The following ARHGEF10 variants were observed in gnomAD, a reference collection of about 807,000 sequenced individuals.
ARHGEF10 encodes Rho guanine nucleotide exchange factor 10, also known as Rho guanine nucleotide exchange factor (GEF) 10.
A neutral mutation model predicts 147.4 loss-of-function variants in ARHGEF10; 140 were observed. The observed-to-expected ratio is 0.95, with a 90% CI of 0.83 to 1.09. The LOEUF is 1.09. ARHGEF10 is among the 50% of genes least tolerant of loss of function. ARHGEF10 has a pLI of 0.00. For synonymous variants in ARHGEF10, 902 were observed against 695.8 expected (o/e 1.30, Z -4.67); for missense variants, 2,222 against 1,752.7 (o/e 1.27, Z -4.78).
rs1808477490 is a variant in ARHGEF10, at chr8:1,884,367, G to T, written c.1076-1234G>T. Among the ~76,000 whole-genome samples, 3 of 149,494 alleles carry T rather than the reference G, an allele frequency of 2.0e-5. No individual in the cohort carries two copies. The Admixed American group carries it at 2.0e-4, about 10-fold the overall frequency. On this transcript the variant is annotated intron_variant, in intron 10 of 28. Transcript: ENST00000349830. ...GCCGAGATTGCGCCACTGCACTCCA[G>T]CCTGGGCGACAGAGCAAGAGTCCAT...
intron 26 of ARHGEF10, among the ~76,000 whole-genome samples, chr8:1,944,860 G>T (rs1026037344): frequency 2.6e-5 from 4 of 152,248 alleles, no homozygotes; most frequent in Non-Finnish European, 5.9e-5. Flanking sequence ...CATGTTGGGG[G>T]GTCGCTGTGT....
chr8:1,890,662 G>A (rs904806741), intron 11 of ARHGEF10, among the ~76,000 whole-genome samples: 3 of 148,876 alleles, frequency 2.0e-5, no homozygotes, highest in Non-Finnish European at 4.5e-5. Flanking sequence ...GACACTAAGT[G>A]GGGTGTGAGG....
At chr8:1,882,504 C>A in intron 9 of ARHGEF10, 131 bp from the exon 10 acceptor site, 1 of 811,486 alleles carries the variant, frequency 1.2e-6, no homozygotes. Context: ...CAAAACCTAG[C>A]CCAGAACTGC....
chr8:1,884,116 G>T (rs752567753), intron 10 of ARHGEF10, among the ~76,000 whole-genome samples: 1 of 152,138 alleles, frequency 6.6e-6, no homozygotes, highest in African/African-American at 2.4e-5. Context: ...ATCCTTGGCC[G>T]GGCACGGTGG....
In ARHGEF10 at chr8:1,929,344, A is replaced by G; in HGVS notation, c.2980A>G (p.Thr994Ala). ...GAAAGTGAGACTTCAGCACTTTTTC[A>G]CTCCTGAGAAGTCCACAGTCATGAG... is the stretch of plus-strand genomic sequence containing the variant. ...SKKVRLQHFF[T>A]PEKSTVMSLA... The change falls in exon 25 of 29, where the codon ACT becomes GCT. Residue 994 changes from threonine to alanine, a missense_variant. Coordinates refer to ENST00000349830, the MANE Select transcript of ARHGEF10 (RefSeq NM_014629.4). The G allele has an allele frequency of 6.2e-7, 1 of 1,613,926 alleles. No homozygotes were observed. Among genetic ancestry groups the G allele is most frequent in the East Asian group, 2.2e-5 (1 of 44,878 alleles).
chr8:1,866,572 G>C lies in ARHGEF10; in HGVS notation c.592G>C (p.Ala198Pro). 1 of 1,607,760 alleles carries C rather than the reference G, an allele frequency of 6.2e-7. No individual in the cohort carries two copies. Among genetic ancestry groups the C allele is most frequent in the African/African-American group, 1.3e-5 (1 of 75,048 alleles). The change falls in exon 6 of 29, where the codon GCA becomes CCA. Residue 198 changes from alanine (A) to proline (P), a missense_variant. Physicochemically the swap from Ala to Pro is conservative, Grantham distance 27. Coordinates refer to ENST00000349830, the MANE Select transcript of ARHGEF10 (RefSeq NM_014629.4). The stretch of plus-strand genomic sequence containing the variant: ...GGACAGCGCACTTGCCCGCTGGGCC[G>C]CAGACCCGGCCAACACAGCCTGGAT... Reference protein sequence around the residue: ...REDSALARWAADPANTAWMEN... With the variant: ...REDSALARWAPDPANTAWMEN...
At chr8:1,897,276 G>T (rs184491282) in intron 14 of ARHGEF10, among the ~76,000 whole-genome samples, 1 of 152,236 alleles carries the variant, frequency 6.6e-6, no homozygotes, top group Non-Finnish European at 1.5e-5. Flanking sequence ...TATCCAGCAC[G>T]GCGGCTCCTG....
intron 27 of ARHGEF10, among the ~76,000 whole-genome samples, chr8:1,952,024 C>T (rs534359227): frequency 8.3e-4 from 125 of 151,392 alleles, no homozygotes; most frequent in African/African-American, 2.9e-3. Context: ...CTTGTCACTG[C>T]CGGAGCAAAT....
intron 26 of ARHGEF10, among the ~76,000 whole-genome samples, chr8:1,944,081 A>G (rs112327284): frequency 3.3e-4 from 46 of 139,724 alleles, no homozygotes; most frequent in African/African-American, 7.9e-4. Context: ...GCACCGTGTC[A>G]CCTCCCTCGG....
rs549320245 is a variant in ARHGEF10, at chr8:1,873,029, T to G, written c.680-3542T>G. On this transcript the variant is annotated intron_variant, in intron 7 of 28. Coordinates refer to ENST00000349830, the MANE Select transcript of ARHGEF10 (RefSeq NM_014629.4). ...CTCGCGGAAGGCGTGGTCTGGTGAC[T>G]CAGAAGCCAACACACTGCGGGAGTC... Among the ~76,000 whole-genome samples, 226 of 152,326 alleles carry G rather than the reference T, an allele frequency of 1.5e-3. 1 individual carries two copies. Among genetic ancestry groups the G allele is most frequent in the African/African-American group, 5.3e-3 (219 of 41,582 alleles).
intron 1 of ARHGEF10, among the ~76,000 whole-genome samples, chr8:1,832,939 GA>G (rs1761747040): frequency 3.8e-5 from 2 of 53,278 alleles, no homozygotes; most frequent in African/African-American, 8.0e-5. Context: ...GGCAGAGACA[GA>G]AGCAGAGACA....
intron 11 of ARHGEF10, among the ~76,000 whole-genome samples, chr8:1,886,508 G>A (rs976825775): frequency 6.6e-6 from 1 of 152,174 alleles, no homozygotes; most frequent in Admixed American, 6.5e-5. Context: ...GGATACCTGC[G>A]AGCTGTTCAT....
At chr8:1,847,551 C>T (rs1181360751) in intron 2 of ARHGEF10, among the ~76,000 whole-genome samples, 1 of 152,056 alleles carries the variant, frequency 6.6e-6, no homozygotes. Flanking sequence ...CAGACAGACG[C>T]CAGCACTCAC....
In ARHGEF10 at chr8:1,888,467, G is replaced by T. The variant is rs145939730; in HGVS notation, c.1182+2760G>T. Among the ~76,000 whole-genome samples the T allele has an allele frequency of 8.4e-3, 875 of 104,404 alleles. 42 individuals carry two copies. The highest frequency in any genetic ancestry group is 0.031 in the African/African-American group (802 of 25,510). 68.5% of individuals were successfully genotyped at this position (104,404 alleles called of 152,430 possible). A position where few individuals can be genotyped will look rare whatever the true frequency, so the allele number is the denominator to read the frequency against. ...GAGGAGGCACTGAGTGGGGTGAGGGGTATTGAGGAGACACTGAGTGGGGTA... is the reference window on the plus strand; with the variant it reads ...GAGGAGGCACTGAGTGGGGTGAGGGTTATTGAGGAGACACTGAGTGGGGTA... On this transcript the variant is annotated intron_variant, in intron 11 of 28. Coordinates refer to ENST00000349830, the MANE Select transcript of ARHGEF10 (RefSeq NM_014629.4).
At chr8:1,897,830 G>T (rs1435656855) in intron 14 of ARHGEF10, among the ~76,000 whole-genome samples, 1 of 152,102 alleles carries the variant, frequency 6.6e-6, no homozygotes, top group Non-Finnish European at 1.5e-5. Context: ...GTGGCCTTGG[G>T]AGATAGACTC....
intron 18 of ARHGEF10, among the ~76,000 whole-genome samples, chr8:1,920,972 G>A (rs1448272692): frequency 6.6e-6 from 1 of 152,092 alleles, no homozygotes; most frequent in African/African-American, 2.4e-5. Context: ...TTTTAGTAGA[G>A]ACGGGGTTTC....
intron 18 of ARHGEF10, among the ~76,000 whole-genome samples, chr8:1,913,619 T>TC (rs1276740957): frequency 6.6e-6 from 1 of 152,210 alleles, no homozygotes; most frequent in Non-Finnish European, 1.5e-5. Context: ...AATACCAGCG[T>TC]CCCGTCCCTG....
At chr8:1,930,884 G>A (rs185531161) in intron 25 of ARHGEF10, among the ~76,000 whole-genome samples, 1 of 152,364 alleles carries the variant, frequency 6.6e-6, no homozygotes, top group African/African-American at 2.4e-5. Flanking sequence ...GCCATCTGGA[G>A]TGTGACCCTG....
intron 19 of ARHGEF10, 29 bp from the exon 20 acceptor site, chr8:1,923,439 T>G (rs1034039594): frequency 1.2e-6 from 2 of 1,614,194 alleles, no homozygotes; most frequent in Non-Finnish European, 1.7e-6. Flanking sequence ...TAAACACTTT[T>G]GAAATGTGCG....
Sources: gnomAD v4.1 joint callset for allele counts (sites outside exome capture counted in the v4.1 genomes callset) on GRCh38, gnomAD v4.1.1 for gene constraint, MANE v1.5 for transcripts, NCBI Gene and HGNC (gene_info 2026-07-23, HGNC 2026-07-21) for gene names.